Variants in PCLO observed in about 807,000 individuals in gnomAD.
PCLO encodes the protein protein piccolo.
Under a neutral mutation model 427.5 loss-of-function variants are expected in PCLO, and 82 were observed. The observed-to-expected ratio is 0.19, with a 90% CI of 0.16 to 0.23. The LOEUF (loss-of-function observed/expected upper bound fraction) is 0.23. PCLO is among the 10% of genes least tolerant of loss of function. The pLI, the probability that PCLO is intolerant of heterozygous loss-of-function variation, is 1.00. For missense variants in PCLO, 6,239 were observed against 6,115.9 expected (o/e 1.02, Z -0.67); for synonymous variants, 2,357 against 2,155.4 (o/e 1.09, Z -2.59).
chr7:82,944,849 C>A (rs1026502700), intron 6 of PCLO, among the ~76,000 whole-genome samples: 4 of 152,100 alleles, frequency 2.6e-5, no homozygotes, highest in Non-Finnish European at 5.9e-5. Context: ...AGGTAATAAA[C>A]CTTATTCACT....
intron 9 of PCLO, among the ~76,000 whole-genome samples, chr7:82,890,713 GAACT>G (rs1461960732): frequency 6.6e-5 from 10 of 151,812 alleles, no homozygotes; most frequent in African/African-American, 2.4e-4. Flanking sequence ...AGGATATATA[GAACT>G]ATCCTTACCA....
At position 83,075,800 on chromosome 7, in the gene PCLO, T is replaced by C. The variant is rs1044900004; in HGVS notation, c.3300+58450A>G. 1.3e-5 allele frequency among the ~76,000 whole-genome samples: 2 copies of C among 152,126 alleles called. 1 individual carries two copies. Among genetic ancestry groups the C allele is most frequent in the Admixed American group, 1.3e-4 (2 of 15,268 alleles). On this transcript the variant is annotated intron_variant, in intron 3 of 24. Transcript: ENST00000333891. ...TTAAATAATTATAAATATTAGCACA[T>C]AAAGCCTACTTAATTTAAGTCTTCT...
chr7:82,869,742 C>T (rs757419090), intron 10 of PCLO, among the ~76,000 whole-genome samples: 1 of 151,566 alleles, frequency 6.6e-6, no homozygotes, highest in African/African-American at 2.4e-5. Flanking sequence ...ATACACTATT[C>T]AAAAAATGGT....
rs2116272531 is a variant in PCLO, at chr7:82,916,428, A to G, written c.11558T>C (p.Ile3853Thr). The change falls in exon 7 of 25, where the codon ATT becomes ACT. Residue 3853 changes from isoleucine to threonine, a missense_variant. Ile to Thr is a moderately conservative substitution (Grantham distance 89). Coordinates refer to ENST00000333891, the MANE Select transcript of PCLO (RefSeq NM_033026.6). ...TTGGGGAGCAGTTCTTGGTCGCTCA[A>G]TGCCATGCTGACTTTCTATTCGGGT... ...RPTRIESQHG[I>T]ERPRTAPQTE... The G allele has an allele frequency of 1.2e-6, 2 of 1,613,690 alleles. No homozygotes were observed. Among genetic ancestry groups the G allele is most frequent in the East Asian group, 2.2e-5 (1 of 44,854 alleles).
At chr7:82,835,412 GTAA>G (rs1346503252) in intron 16 of PCLO, among the ~76,000 whole-genome samples, 1 of 152,090 alleles carries the variant, frequency 6.6e-6, no homozygotes, top group East Asian at 1.9e-4. Flanking sequence ...TAATTTCATG[GTAA>G]TAATATTTTT....
Position 82,956,795 on chromosome 7 carries a change from C to A in PCLO, c.4158G>T (p.Lys1386Asn), listed in dbSNP as rs1307575112. 1.9e-6 allele frequency: 3 copies of A among 1,613,602 alleles called. No homozygotes were observed. The highest frequency in any genetic ancestry group is 2.5e-6 in the Non-Finnish European group (3 of 1,179,718). ...EIPSLIPTDEKDILKGLKKDS... is the reference protein window; with the variant it reads ...EIPSLIPTDENDILKGLKKDS... The stretch of plus-strand genomic sequence containing the variant: ...CCTTTTTGAGTCCCTTGAGAATATC[C>A]TTTTCATCAGTTGGAATAAGACTTG... Residue 1386 changes from lysine to asparagine, a missense_variant, in exon 5 of 25, where the codon AAG (lysine) becomes AAT (asparagine). By Grantham distance (94) the Lys-to-Asn change is moderately conservative. This residue lies in a region of PCLO where 4,677 missense variants were observed against 4,468.4 expected (regional missense o/e 1.05). Coordinates refer to ENST00000333891, the MANE Select transcript of PCLO (RefSeq NM_033026.6).
intron 22 of PCLO, among the ~76,000 whole-genome samples, chr7:82,782,683 T>C (rs1790898102): frequency 6.6e-6 from 1 of 152,224 alleles, no homozygotes; most frequent in South Asian, 2.1e-4. Context: ...TAAAATAGTA[T>C]AGAATATCAA....
chr7:82,849,014 C>CT (rs539986848), intron 10 of PCLO: 8 of 256,250 alleles, frequency 3.1e-5, no homozygotes, highest in East Asian at 9.4e-5. Context: ...AAATAAAGCA[C>CT]TTTTTTTAAA....
At chr7:82,942,976 C>T (rs1471223694) in intron 6 of PCLO, among the ~76,000 whole-genome samples, 3 of 151,818 alleles carry the variant, frequency 2.0e-5, no homozygotes, top group Non-Finnish European at 2.9e-5. Context: ...AAAAATAACC[C>T]CTAATAAATA....
chr7:82,954,073 G>T lies in PCLO; in HGVS notation c.6880C>A (p.Leu2294Ile), dbSNP rs771385350. The T allele has an allele frequency of 1.9e-6, 3 of 1,613,806 alleles. No individual in the cohort carries two copies. The East Asian group carries it at 6.7e-5, about 36-fold the overall frequency. ...TTCACTGGGTCCTTTTCAGATATAA[G>T]TAAGTCAGTAGAAACAGTGTCAGCA... ...PVADTVSTDL[L>I]ISEKDPVKKA... is the part of the protein sequence containing the mutation. Residue 2294 changes from leucine (L) to isoleucine (I), a missense_variant, in exon 5 of 25, where the codon CTT becomes ATT. By Grantham distance (5) the Leu-to-Ile change is conservative (BLOSUM62 2). Transcript: ENST00000333891.
At chr7:83,016,031 T>C (rs141885147) in intron 3 of PCLO, among the ~76,000 whole-genome samples, 2 of 152,224 alleles carry the variant, frequency 1.3e-5, no homozygotes, top group African/African-American at 4.8e-5. Flanking sequence ...AGCTCCTGAA[T>C]TGTTTTCATG....
At chr7:83,123,647 C>T (rs1791342531) in intron 3 of PCLO, among the ~76,000 whole-genome samples, 1 of 152,104 alleles carries the variant, frequency 6.6e-6, no homozygotes, top group Non-Finnish European at 1.5e-5. Context: ...AGTTAAAAAA[C>T]TTCTTCACAG....
Position 82,757,037 on chromosome 7 carries a change from T to A in PCLO, c.*1538A>T. ...AACTATATTTGGAAATGTGCTTTCA[T>A]CTTTCATGGATCATTGATTTATCAT... is the stretch of plus-strand genomic sequence containing the variant. On this transcript the variant is annotated 3_prime_UTR_variant, in exon 25 of 25. Coordinates refer to ENST00000333891, the MANE Select transcript of PCLO (RefSeq NM_033026.6). 6.6e-6 allele frequency: 1 copy of A among 152,122 alleles called. No individual in the cohort carries two copies. Among genetic ancestry groups the A allele is most frequent in the Non-Finnish European group, 1.5e-5 (1 of 67,996 alleles). 9.4% of individuals were successfully genotyped at this position (152,122 alleles called of 1,614,324 possible).
At chr7:82,920,175 A>G (rs931584643) in intron 6 of PCLO, among the ~76,000 whole-genome samples, 21 of 151,906 alleles carry the variant, frequency 1.4e-4, no homozygotes, top group African/African-American at 4.8e-4. Context: ...AAATCAATAT[A>G]ACATAAAATA....
chr7:82,982,052 A>G (rs1408482289), intron 3 of PCLO, among the ~76,000 whole-genome samples: 1 of 152,172 alleles, frequency 6.6e-6, no homozygotes, highest in Admixed American at 6.6e-5. Context: ...GCATATGTAG[A>G]AACTACTGCA....
chr7:82,848,918 C>A, intron 10 of PCLO: 1 of 419,024 alleles, frequency 2.4e-6, no homozygotes, highest in South Asian at 1.7e-5. Context: ...TCAACAATCC[C>A]AGGCTGTTGT....
intron 3 of PCLO, among the ~76,000 whole-genome samples, chr7:83,055,426 T>A (rs941629784): frequency 1.3e-5 from 2 of 152,178 alleles, no homozygotes; most frequent in African/African-American, 4.8e-5. Context: ...GGGAGCCTTA[T>A]GAAGACTCTA....
chr7:82,844,440 T>G (rs1001382231), intron 13 of PCLO, among the ~76,000 whole-genome samples: 1 of 152,156 alleles, frequency 6.6e-6, no homozygotes, highest in African/African-American at 2.4e-5. Context: ...AAAAGGATTC[T>G]TTTTTTGGTG....
At chr7:82,876,539 C>A (rs1793378164) in intron 10 of PCLO, among the ~76,000 whole-genome samples, 1 of 151,370 alleles carries the variant, frequency 6.6e-6, no homozygotes, top group African/African-American at 2.4e-5. Context: ...CAGGTGAATA[C>A]TTGTGAATAC....
Sources: gnomAD v4.1 joint callset for allele counts (sites outside exome capture counted in the v4.1 genomes callset) on GRCh38, gnomAD v4.1.1 for gene constraint, gnomAD v4.1.1 regional missense constraint, MANE v1.5 for transcripts, NCBI Gene and HGNC (gene_info 2026-07-23, HGNC 2026-07-21) for gene names.